Variants in TSPOAP1 observed in about 807,000 individuals in gnomAD.
TSPOAP1 encodes the protein TSPO associated protein 1.
TSPOAP1 carries 87 observed loss-of-function variants against 197.0 expected under a neutral mutation model. That is an observed-to-expected ratio of 0.44 (90% CI 0.37 to 0.53). The LOEUF (loss-of-function observed/expected upper bound fraction) is 0.53. TSPOAP1 is among the 20% of genes least tolerant of loss of function. TSPOAP1 has a pLI of 0.00. For missense variants in TSPOAP1, 2,174 were observed against 2,411.3 expected, an observed-to-expected ratio of 0.90 and a Z score of 2.06; for synonymous variants, 913 against 998.9, an observed-to-expected ratio of 0.91 and a Z score of 1.62.
chr17:58,324,567 C>A lies in TSPOAP1; in HGVS notation c.942+244G>T, dbSNP rs1180283235. On this transcript the variant is annotated intron_variant, in intron 5 of 31. Coordinates refer to ENST00000343736, the MANE Select transcript of TSPOAP1 (RefSeq NM_004758.4). The surrounding 1 kb of genome is among the most constrained non-coding windows in gnomAD (Gnocchi z 5.8). Reference sequence around the variant, plus strand: ...GCGGCAGGGGCGGCCGGCCAGGCCCCGCTGGGCGCAGGCCTATGGAGGGCG... The same window carrying A: ...GCGGCAGGGGCGGCCGGCCAGGCCCAGCTGGGCGCAGGCCTATGGAGGGCG... 6.6e-6 allele frequency among the ~76,000 whole-genome samples: 1 copy of A among 152,006 alleles called. No individual in the cohort carries two copies. The highest frequency in any genetic ancestry group is 2.4e-5 in the African/African-American group (1 of 41,410).
At position 58,304,436 on chromosome 17, in the gene TSPOAP1, G is replaced by C. The variant is rs779328046; in HGVS notation, c.5545-37C>G. 6.3e-7 allele frequency: 1 copy of C among 1,578,148 alleles called. No homozygotes were observed. The highest frequency in any genetic ancestry group is 8.7e-7 in the Non-Finnish European group (1 of 1,147,412). ...GAACAAAGAGAGGAGATGGGTTACC[G>C]ACAGACCCGCACCTTCTCCGCCCGG... On this transcript the variant is annotated intron_variant, in intron 30 of 31. Transcript: ENST00000343736. The surrounding 1 kb of genome is among the most constrained non-coding windows in gnomAD (Gnocchi z 4.2).
At chr17:58,305,692 C>A (rs3744103) in intron 27 of TSPOAP1, 49 bp from the exon 28 acceptor site, 9 of 1,365,254 alleles carry the variant, frequency 6.6e-6, no homozygotes, top group South Asian at 1.3e-5. Flanking sequence ...GAGCCCTACA[C>A]CCCATCCTGT....
intron 22 of TSPOAP1, 53 bp from the exon 23 acceptor site, chr17:58,307,994 G>T (rs1268916447): frequency 2.0e-6 from 3 of 1,510,970 alleles, no homozygotes; most frequent in Non-Finnish European, 1.8e-6. Context: ...CCTCTGGTGG[G>T]CTCGTGCTCC....
chr17:58,314,409 G>A (rs1333555773), intron 16 of TSPOAP1, among the ~76,000 whole-genome samples: 2 of 152,220 alleles, frequency 1.3e-5, no homozygotes, highest in East Asian at 3.8e-4. Context: ...GATCATCCTA[G>A]ATTATCCGGG....
chr17:58,310,445 G>T (rs573677625), intron 20 of TSPOAP1, 67 bp downstream of exon 20: 7 of 1,582,792 alleles, frequency 4.4e-6, no homozygotes, highest in Non-Finnish European at 6.0e-6. Context: ...CTGGATTTGC[G>T]CTGGCAAAAG....
At chr17:58,305,490 A>G in intron 28 of TSPOAP1, 32 bp from the exon 29 acceptor site, 1 of 1,613,332 alleles carries the variant, frequency 6.2e-7, no homozygotes, top group Non-Finnish European at 8.5e-7. Flanking sequence ...CATCAGGCCC[A>G]GGAAGGCTCT....
At chr17:58,318,145 G>A (rs1022823018) in intron 14 of TSPOAP1, 135 bp downstream of exon 14, 1 of 1,114,660 alleles carries the variant, frequency 9.0e-7, no homozygotes, top group African/African-American at 1.6e-5. Context: ...GGAATCCACA[G>A]GCCTCCCACC....
At position 58,326,224 on chromosome 17, in the gene TSPOAP1, C is replaced by T. The variant is rs1207961958; in HGVS notation, c.570+69G>A. 1 of 1,594,280 alleles carries T rather than the reference C, an allele frequency of 6.3e-7. No individual in the cohort carries two copies. The highest frequency in any genetic ancestry group is 8.5e-7 in the Non-Finnish European group (1 of 1,170,648). On this transcript the variant is annotated intron_variant, in intron 3 of 31. Coordinates refer to ENST00000343736, the MANE Select transcript of TSPOAP1 (RefSeq NM_004758.4). This position sits in a 1 kb window ranked among gnomAD's most constrained non-coding sequence, Gnocchi z 4.7. ...CGTGACTCCCAAGCTTCAGACAGCC[C>T]TCAGGCCCAGCCCTGGCTCCCCTCT...
Position 58,322,594 on chromosome 17 carries a change from G to A in TSPOAP1, c.1317+60C>T. On this transcript the variant is annotated intron_variant, in intron 9 of 31. Transcript: ENST00000343736. This position sits in a 1 kb window ranked among gnomAD's most constrained non-coding sequence, Gnocchi z 5.0. ...TGCCCCTCACTAAGAATATTCTGCT[G>A]TCCCACTTGCTCCCCATGCCAGGGC... 6.3e-7 allele frequency: 1 copy of A among 1,595,198 alleles called. No individual in the cohort carries two copies. The highest frequency in any genetic ancestry group is 8.5e-7 in the Non-Finnish European group (1 of 1,174,790).
chr17:58,307,768 G>GAGAC lies in TSPOAP1; in HGVS notation c.4832-10_4832-7dup, dbSNP rs1567839229. 1 of 1,614,138 alleles carries GAGAC rather than the reference G, an allele frequency of 6.2e-7. No homozygotes were observed. Among genetic ancestry groups the GAGAC allele is most frequent in the African/African-American group, 1.3e-5 (1 of 75,074 alleles). On this transcript the variant is annotated splice_region_variant and splice_polypyrimidine_tract_variant and intron_variant, in intron 23 of 31. Coordinates refer to ENST00000343736, the MANE Select transcript of TSPOAP1 (RefSeq NM_004758.4). ...TGAGGGGCTCCTCGCAGGGACTGTGGAGACAGTGGAGAGGGCGGTGACGCA... is the reference window on the plus strand; with the variant it reads ...TGAGGGGCTCCTCGCAGGGACTGTGGAGACAGACAGTGGAGAGGGCGGTGACGCA...
chr17:58,324,523 G>A lies in TSPOAP1; in HGVS notation c.942+288C>T, dbSNP rs901041478. Among the ~76,000 whole-genome samples the A allele has an allele frequency of 1.3e-5, 2 of 151,970 alleles. No homozygotes were observed. The highest frequency in any genetic ancestry group is 1.3e-4 in the Admixed American group (2 of 15,270). ...CCAGGACAACCAGGGATTTGCGGCC[G>A]GGCCGTACCACTGGCAGCGCGGCAG... On this transcript the variant is annotated intron_variant, in intron 5 of 31. Transcript: ENST00000343736. This position sits in a 1 kb window ranked among gnomAD's most constrained non-coding sequence, Gnocchi z 5.8.
Position 58,326,537 on chromosome 17 carries a change from A to G in TSPOAP1, c.442-116T>C. 6.5e-7 allele frequency: 1 copy of G among 1,547,784 alleles called. No homozygotes were observed. The highest frequency in any genetic ancestry group is 1.8e-4 in the Middle Eastern group (1 of 5,706). On this transcript the variant is annotated intron_variant, in intron 2 of 31. Transcript: ENST00000343736. This position sits in a 1 kb window ranked among gnomAD's most constrained non-coding sequence, Gnocchi z 4.7. Reference sequence around the variant, plus strand: ...TCACAGTGGGGTCCTTGGCAACTCTAGGCAGGGGTTCACCCTCTCTGGGTC... The same window carrying G: ...TCACAGTGGGGTCCTTGGCAACTCTGGGCAGGGGTTCACCCTCTCTGGGTC...
In TSPOAP1 at chr17:58,305,450, C is replaced by T; in HGVS notation, c.5370G>A (p.Leu1790=). Residue 1790 remains leucine, a synonymous_variant, in exon 29 of 32, where the codon CTG becomes CTA. Transcript: ENST00000343736. ...SSPNMDVEAE[L]PFRAGDVITV... ...TAATGACATCCCCTGCCCGGAAGGG[C>T]AGCTCTGCCTGTGGAAAACAAGAGG... 1 of 1,613,986 alleles carries T rather than the reference C, an allele frequency of 6.2e-7. No individual in the cohort carries two copies. The highest frequency in any genetic ancestry group is 8.5e-7 in the Non-Finnish European group (1 of 1,179,948).
chr17:58,305,620 C>A lies in TSPOAP1; in HGVS notation c.5281G>T (p.Ala1761Ser), dbSNP rs749587249. The change falls in exon 28 of 32, where the codon GCT becomes TCT. Residue 1761 changes from alanine to serine, a missense_variant. This residue lies in a region of TSPOAP1 where 161 missense variants were observed against 159.1 expected (regional missense o/e 1.01). Transcript: ENST00000343736. ...ATGGAGTGGGGAGCTTTCAGGTCAG[C>A]AGAGGGGACCAGCTTAGGGGGGCCT... is the stretch of plus-strand genomic sequence containing the variant. ...CPGPPKLVPS[A>S]DLKAPHSMVA... The A allele has an allele frequency of 2.1e-5, 32 of 1,551,940 alleles. No homozygotes were observed. Among genetic ancestry groups the A allele is most frequent in the Non-Finnish European group, 2.6e-5 (30 of 1,149,576 alleles).
chr17:58,310,292 A>C (rs1389384370), intron 20 of TSPOAP1, 134 bp from the exon 21 acceptor site: 10 of 1,123,602 alleles, frequency 8.9e-6, no homozygotes, highest in Non-Finnish European at 1.2e-5. Context: ...TAAATGGGGG[A>C]GGCACACCAT....
At chr17:58,325,801 A>C in intron 3 of TSPOAP1, 88 bp from the exon 4 acceptor site, 1 of 1,427,824 alleles carries the variant, frequency 7.0e-7, no homozygotes, top group Middle Eastern at 2.4e-4. Context: ...AGGAGTTAGC[A>C]TGAAAACCTA....
intron 12 of TSPOAP1, 127 bp downstream of exon 12, chr17:58,319,982 T>G: frequency 7.8e-7 from 1 of 1,277,794 alleles, no homozygotes; most frequent in Middle Eastern, 2.1e-4. Context: ...CCCCTATGGA[T>G]TCTCATGCCT....
chr17:58,312,456 G>A lies in TSPOAP1; in HGVS notation c.2365C>T (p.Pro789Ser). The change falls in exon 17 of 32, where the codon CCT (proline) becomes TCT (serine). Residue 789 changes from proline to serine, a missense_variant. By Grantham distance (74) the Pro-to-Ser change is moderately conservative. Around this residue, in one of 5 missense-constraint regions of TSPOAP1, gnomAD observed 1,933 missense variants for 2,139.0 expected, o/e 0.90. Transcript: ENST00000343736. ...AGACGGCGGGGGTAAGGCACGGCAG[G>A]AGGCTCGCCCAGGCCCTCCGGTGAT... Reference protein sequence around the residue: ...SPSPEGLGEPPAVPYPRRLVV... With the variant: ...SPSPEGLGEPSAVPYPRRLVV... 1.9e-6 allele frequency: 3 copies of A among 1,612,458 alleles called. No homozygotes were observed. The highest frequency in any genetic ancestry group is 2.5e-6 in the Non-Finnish European group (3 of 1,179,518).
intron 12 of TSPOAP1, 108 bp downstream of exon 12, chr17:58,320,001 T>C (rs1971356930): frequency 7.0e-7 from 1 of 1,428,160 alleles, no homozygotes; most frequent in Non-Finnish European, 9.9e-7. Flanking sequence ...CTGCTCCCAG[T>C]GACACCCCCT....
Sources: gnomAD v4.1 joint callset for allele counts (sites outside exome capture counted in the v4.1 genomes callset) on GRCh38, gnomAD v4.1.1 for gene constraint, gnomAD v4.1.1 regional missense constraint, Gnocchi (gnomAD v3.1) non-coding constraint, MANE v1.5 for transcripts, NCBI Gene and HGNC (gene_info 2026-07-23, HGNC 2026-07-21) for gene names.